NXPH1: variants seen among roughly 807,000 people sequenced by gnomAD.
NXPH1 encodes neurexophilin 1.
A neutral mutation model predicts 23.7 loss-of-function variants in NXPH1; 5 were observed. The observed-to-expected ratio is 0.21, with a 90% CI of 0.11 to 0.44. The LOEUF is 0.44. NXPH1 is among the 20% of genes least tolerant of loss of function. The pLI is 0.99. For synonymous variants in NXPH1, 144 were observed against 122.2 expected (o/e 1.18, Z -1.18); for missense variants, 324 against 321.6 (o/e 1.01, Z -0.06).
chr7:8,438,841 TGA>T (rs1442915379), intron 2 of NXPH1, among the ~76,000 whole-genome samples: 1 of 152,204 alleles, frequency 6.6e-6, no homozygotes, highest in South Asian at 2.1e-4. Context: ...TTGTGTTTTT[TGA>T]GAGACAAGTC....
intron 2 of NXPH1, among the ~76,000 whole-genome samples, chr7:8,448,908 T>C (rs1207586619): frequency 6.6e-6 from 1 of 150,508 alleles, no homozygotes; most frequent in African/African-American, 2.4e-5. Context: ...ATAGGATCAA[T>C]AAATAGATTG....
At chr7:8,633,521 C>G (rs1305627299) in intron 2 of NXPH1, among the ~76,000 whole-genome samples, 1 of 152,190 alleles carries the variant, frequency 6.6e-6, no homozygotes, top group Non-Finnish European at 1.5e-5. Flanking sequence ...TGTTGCGTGA[C>G]AACCGAATTT....
intron 2 of NXPH1, among the ~76,000 whole-genome samples, chr7:8,620,133 A>G (rs1030839564): frequency 2.0e-5 from 3 of 151,420 alleles, no homozygotes; most frequent in African/African-American, 7.3e-5. Flanking sequence ...CAGAACTACT[A>G]TTATCTTCTG....
At chr7:8,587,792 A>G (rs908619098) in intron 2 of NXPH1, among the ~76,000 whole-genome samples, 1 of 152,146 alleles carries the variant, frequency 6.6e-6, no homozygotes, top group Non-Finnish European at 1.5e-5. Flanking sequence ...GGCTTCATCC[A>G]TGTCCCTGCA....
At chr7:8,657,311 G>T (rs1385084572) in intron 2 of NXPH1, among the ~76,000 whole-genome samples, 1 of 152,248 alleles carries the variant, frequency 6.6e-6, no homozygotes, top group Non-Finnish European at 1.5e-5. Context: ...AGGAATCATT[G>T]TAGGTGGGAA....
chr7:8,692,385 A>G (rs1260925210), intron 2 of NXPH1, among the ~76,000 whole-genome samples: 1 of 152,204 alleles, frequency 6.6e-6, no homozygotes, highest in Non-Finnish European at 1.5e-5. Context: ...TAGTGGTGAC[A>G]GCACTGGAGA....
chr7:8,509,919 A>T (rs1383717739), intron 2 of NXPH1, among the ~76,000 whole-genome samples: 1 of 152,162 alleles, frequency 6.6e-6, no homozygotes, highest in Non-Finnish European at 1.5e-5. Flanking sequence ...CATCTGCTTA[A>T]TGACAGCTCT....
intron 2 of NXPH1, among the ~76,000 whole-genome samples, chr7:8,604,524 G>T (rs1184889140): frequency 6.6e-6 from 1 of 151,882 alleles, no homozygotes; most frequent in Non-Finnish European, 1.5e-5. Context: ...CCACATTTTT[G>T]GTTAAAATTG....
intron 2 of NXPH1, among the ~76,000 whole-genome samples, chr7:8,690,086 A>G (rs1169862249): frequency 6.6e-6 from 1 of 152,166 alleles, no homozygotes; most frequent in Non-Finnish European, 1.5e-5. Flanking sequence ...TTTGAGAAAG[A>G]AGATTGGATT....
chr7:8,454,163 A>G (rs1284990110), intron 2 of NXPH1, among the ~76,000 whole-genome samples: 1 of 152,056 alleles, frequency 6.6e-6, no homozygotes, highest in African/African-American at 2.4e-5. Flanking sequence ...CTGGGTGATG[A>G]AATAATCTAT....
chr7:8,624,337 C>T (rs1223901219), intron 2 of NXPH1, among the ~76,000 whole-genome samples: 1 of 152,086 alleles, frequency 6.6e-6, no homozygotes, highest in South Asian at 2.1e-4. Context: ...CCAATTGAAC[C>T]TTGTTGGAGG....
intron 2 of NXPH1, among the ~76,000 whole-genome samples, chr7:8,684,794 A>C (rs994990077): frequency 6.6e-6 from 1 of 152,146 alleles, no homozygotes; most frequent in Non-Finnish European, 1.5e-5. Flanking sequence ...TTGTTTAGCT[A>C]TTGAAATCTA....
At chr7:8,479,700 T>G (rs1817039196) in intron 2 of NXPH1, among the ~76,000 whole-genome samples, 1 of 152,154 alleles carries the variant, frequency 6.6e-6, no homozygotes, top group Non-Finnish European at 1.5e-5. Flanking sequence ...AACATTTTGT[T>G]AAATCATATA....
chr7:8,536,770 A>G (rs1818034219), intron 2 of NXPH1, among the ~76,000 whole-genome samples: 1 of 151,946 alleles, frequency 6.6e-6, no homozygotes, highest in African/African-American at 2.4e-5. Flanking sequence ...GAGTTGTGGA[A>G]ATGGAGGAGA....
At chr7:8,638,464 C>G (rs1411407712) in intron 2 of NXPH1, among the ~76,000 whole-genome samples, 1 of 152,018 alleles carries the variant, frequency 6.6e-6, no homozygotes, top group Non-Finnish European at 1.5e-5. Context: ...TACCAGTAAA[C>G]CAAGGAATTG....
chr7:8,488,279 A>G (rs140230466), intron 2 of NXPH1, among the ~76,000 whole-genome samples: 7 of 147,498 alleles, frequency 4.7e-5, no homozygotes, highest in Admixed American at 1.3e-4. Context: ...CTTACATACT[A>G]CATCTTACAT....
At chr7:8,687,652 C>A (rs1028859739) in intron 2 of NXPH1, among the ~76,000 whole-genome samples, 2 of 152,136 alleles carry the variant, frequency 1.3e-5, no homozygotes, top group Non-Finnish European at 2.9e-5. Flanking sequence ...GATAACCACA[C>A]TGATCATAAT....
At chr7:8,492,896 A>G (rs1817273974) in intron 2 of NXPH1, among the ~76,000 whole-genome samples, 1 of 152,028 alleles carries the variant, frequency 6.6e-6, no homozygotes, top group African/African-American at 2.4e-5. Context: ...TTTCCCTTGT[A>G]GCCAGAGTGT....
At chr7:8,615,864 T>C (rs1290224251) in intron 2 of NXPH1, among the ~76,000 whole-genome samples, 1 of 152,010 alleles carries the variant, frequency 6.6e-6, no homozygotes, top group Non-Finnish European at 1.5e-5. Flanking sequence ...TAAGAGCATA[T>C]AGGAGATTGG....
Sources: allele counts gnomAD v4.1 joint callset (sites outside exome capture counted in the v4.1 genomes callset), GRCh38; gene constraint gnomAD v4.1.1; transcripts MANE v1.5; gene names NCBI Gene and HGNC (gene_info 2026-07-23, HGNC 2026-07-21).